The following CCDC178 variants were observed in gnomAD, a reference collection of about 807,000 sequenced individuals.
CCDC178 encodes coiled-coil domain-containing protein 178.
Under a neutral mutation model 117.4 loss-of-function variants are expected in CCDC178, and 126 were observed. The observed-to-expected ratio is 1.07, with a 90% CI of 0.93 to 1.24. CCDC178 has a LOEUF of 1.24. Among genes scored for constraint, CCDC178 ranks in the 50% most tolerant of loss-of-function variants. The pLI is 0.00. For missense variants in CCDC178, 1,030 were observed against 986.9 expected (o/e 1.04, Z -0.59); for synonymous variants, 283 against 313.4 (o/e 0.90, Z 1.02).
intron 20 of CCDC178, among the ~76,000 whole-genome samples, chr18:33,104,718 T>G (rs762005202): frequency 5.3e-5 from 8 of 151,746 alleles, no homozygotes; most frequent in Non-Finnish European, 1.2e-4. Flanking sequence ...GAAGGAAGGT[T>G]AAACATAGAT....
chr18:32,938,114 CAA>C, intron 22 of CCDC178, 23 bp from the exon 23 acceptor site: 2 of 1,522,952 alleles, frequency 1.3e-6, no homozygotes, highest in Non-Finnish European at 1.8e-6. Context: ...AAGAAACAAA[CAA>C]AATCAATAAG....
intron 21 of CCDC178, among the ~76,000 whole-genome samples, chr18:32,999,640 G>A (rs1362096121): frequency 2.0e-5 from 3 of 152,146 alleles, no homozygotes. Flanking sequence ...GCTCAGCACA[G>A]AGAGAGACTC....
At chr18:33,132,067 G>A (rs574669458) in intron 20 of CCDC178, among the ~76,000 whole-genome samples, 3 of 143,410 alleles carry the variant, frequency 2.1e-5, no homozygotes, top group Admixed American at 6.9e-5. Flanking sequence ...ATTTTTTAAC[G>A]ACTTTTAACT....
intron 15 of CCDC178, among the ~76,000 whole-genome samples, chr18:33,232,253 T>G (rs889461723): frequency 6.6e-6 from 1 of 152,128 alleles, no homozygotes. Flanking sequence ...AATAGATTCC[T>G]GTACTAGGAC....
intron 22 of CCDC178, among the ~76,000 whole-genome samples, chr18:32,963,042 C>T (rs894731585): frequency 6.6e-6 from 1 of 151,914 alleles, no homozygotes; most frequent in Non-Finnish European, 1.5e-5. Flanking sequence ...TGTCTTCCTC[C>T]AACATAATCT....
intron 21 of CCDC178, among the ~76,000 whole-genome samples, chr18:33,047,398 T>C (rs2056664128): frequency 6.6e-6 from 1 of 152,212 alleles, no homozygotes; most frequent in African/African-American, 2.4e-5. Flanking sequence ...GGTTTCATTT[T>C]TGTGATATAT....
chr18:32,943,769 G>A (rs1468035577), intron 22 of CCDC178, among the ~76,000 whole-genome samples: 3 of 152,088 alleles, frequency 2.0e-5, no homozygotes, highest in South Asian at 2.1e-4. Context: ...AACAAATCCC[G>A]CTTAACATTT....
Position 32,964,345 on chromosome 18 carries a change from T to A in CCDC178, c.2523+10202A>T, listed in dbSNP as rs143374447. Among the ~76,000 whole-genome samples the A allele has an allele frequency of 2.3e-4, 35 of 152,138 alleles. No homozygotes were observed. The East Asian group carries it at 5.6e-3, about 24-fold the overall frequency. On this transcript the variant is annotated intron_variant, in intron 22 of 22. Coordinates refer to ENST00000383096, the MANE Select transcript of CCDC178 (RefSeq NM_001105528.4). ...TGAGGCAGGAATCATTAAATTGAAG[T>A]TGTCCAAGCATTTATTTTATTACAT...
chr18:33,294,754 T>C (rs1161896339), intron 11 of CCDC178, among the ~76,000 whole-genome samples: 1 of 152,188 alleles, frequency 6.6e-6, no homozygotes, highest in African/African-American at 2.4e-5. Flanking sequence ...TCTTTTGAAA[T>C]TAGTTCTTCT....
chr18:33,252,010 T>A (rs2059623603), intron 14 of CCDC178, among the ~76,000 whole-genome samples: 1 of 151,758 alleles, frequency 6.6e-6, no homozygotes, highest in African/African-American at 2.4e-5. Context: ...TAAGGTGGGA[T>A]ATAAAAATGT....
At chr18:33,058,072 C>T (rs1337234561) in intron 21 of CCDC178, among the ~76,000 whole-genome samples, 1 of 147,132 alleles carries the variant, frequency 6.8e-6, no homozygotes, top group African/African-American at 2.7e-5. Flanking sequence ...GGTACTGCCA[C>T]TTTGGAAAAA....
chr18:33,042,395 G>C (rs1372469289), intron 21 of CCDC178, among the ~76,000 whole-genome samples: 1 of 151,808 alleles, frequency 6.6e-6, no homozygotes, highest in African/African-American at 2.4e-5. Flanking sequence ...CAGACCACAA[G>C]AAACAATAAG....
chr18:33,419,395 G>A (rs1226178021), intron 2 of CCDC178, among the ~76,000 whole-genome samples: 1 of 152,184 alleles, frequency 6.6e-6, no homozygotes, highest in Non-Finnish European at 1.5e-5. Flanking sequence ...AAGATTTCAT[G>A]AAGATGCCAA....
intron 9 of CCDC178, 99 bp from the exon 10 acceptor site, chr18:33,333,493 G>C: frequency 2.9e-6 from 1 of 349,216 alleles, no homozygotes; most frequent in Non-Finnish European, 5.0e-6. Flanking sequence ...TTCCTTATTT[G>C]TGAATCTTAC....
At chr18:33,401,863 G>A (rs2063713648) in intron 3 of CCDC178, among the ~76,000 whole-genome samples, 1 of 151,962 alleles carries the variant, frequency 6.6e-6, no homozygotes, top group African/African-American at 2.4e-5. Flanking sequence ...AGGTCCAAAT[G>A]AGAGAAGATT....
intron 2 of CCDC178, chr18:33,437,657 G>T (rs2064310285): frequency 6.6e-6 from 1 of 152,162 alleles, no homozygotes; most frequent in South Asian, 2.1e-4. Flanking sequence ...TTAATCAAAT[G>T]CCAAAGAACA....
intron 15 of CCDC178, among the ~76,000 whole-genome samples, chr18:33,232,576 T>C (rs1248688438): frequency 6.6e-6 from 1 of 152,184 alleles, no homozygotes. Context: ...GGTTGTGCAT[T>C]ATTAGGAAAC....
intron 20 of CCDC178, among the ~76,000 whole-genome samples, chr18:33,116,020 T>C (rs958082330): frequency 1.3e-5 from 2 of 152,060 alleles, no homozygotes; most frequent in Admixed American, 6.6e-5. Context: ...CACAAAATAT[T>C]CCTAATTTTT....
chr18:33,057,998 T>C (rs2056859505), intron 21 of CCDC178, among the ~76,000 whole-genome samples: 1 of 152,034 alleles, frequency 6.6e-6, no homozygotes. Flanking sequence ...AGAGAGACAA[T>C]AGCAATGGTG....
Sources: allele counts gnomAD v4.1 joint callset (sites outside exome capture counted in the v4.1 genomes callset), GRCh38; gene constraint gnomAD v4.1.1; transcripts MANE v1.5; gene names NCBI Gene and HGNC (gene_info 2026-07-23, HGNC 2026-07-21).